SMARCD1: variants seen among roughly 807,000 people sequenced by gnomAD.
SMARCD1 encodes SWI/SNF-related matrix-associated actin-dependent regulator of chromatin subfamily D member 1.
SMARCD1 carries 16 observed loss-of-function variants against 70.8 expected under a neutral mutation model. That is an observed-to-expected ratio of 0.23 (90% CI 0.15 to 0.34). The LOEUF is 0.34. Ranked by LOEUF, SMARCD1 falls within the 10% of genes least tolerant of loss-of-function variation. The pLI is 1.00. For synonymous variants in SMARCD1, 249 were observed against 246.0 expected (o/e 1.01, Z -0.11); for missense variants, 409 against 655.5 (o/e 0.62, Z 4.11).
rs78981422 is a variant in SMARCD1 at position 50,092,141 on chromosome 12, G to A, written c.1133+1551G>A. 4.6e-4 allele frequency among the ~76,000 whole-genome samples: 70 copies of A among 151,614 alleles called. No individual in the cohort carries two copies. The East Asian group carries it at 8.1e-3, about 18-fold the overall frequency. On this transcript the variant is annotated intron_variant, in intron 9 of 12. Transcript: ENST00000394963. ...AAGAAAATTTCCTTCTCAAAGCAGC[G>A]TGTCTCTGTAGTTGGATATAGTCTC...
Position 50,096,953 on chromosome 12 carries a change from C to T in SMARCD1, c.1373C>T (p.Ser458Phe). 1.9e-6 allele frequency: 3 copies of T among 1,613,840 alleles called. No individual in the cohort carries two copies. Among genetic ancestry groups the T allele is most frequent in the Non-Finnish European group, 2.5e-6 (3 of 1,179,806 alleles). ...PQGFINDWLQ[S>F]QCRDLKTMTD... ...GGTTTCATCAATGACTGGCTTCAGT[C>T]CCAGTGCAGGGACCTCAAGGTAAAG... The change falls in exon 11 of 13, where the codon TCC becomes TTC. Residue 458 changes from serine (S) to phenylalanine (F), a missense_variant. By Grantham distance (155) the Ser-to-Phe change is radical. Transcript: ENST00000394963.
chr12:50,096,868 A>G lies in SMARCD1; in HGVS notation c.1288A>G (p.Thr430Ala), dbSNP rs765831618. The G allele has an allele frequency of 8.7e-6, 14 of 1,612,152 alleles. No individual in the cohort carries two copies. Among genetic ancestry groups the G allele is most frequent in the Non-Finnish European group, 1.2e-5 (14 of 1,178,476 alleles). Residue 430 changes from threonine (T) to alanine (A), a missense_variant, in exon 11 of 13, where the codon ACC becomes GCC. Transcript: ENST00000394963. ...CTTTCAGATCCATGAGACAATAGAA[A>G]CCATCAACCAGCTGAAGACTCAGCG... The part of the protein sequence containing the change: ...LDNKIHETIE[T>A]INQLKTQREF...
At chr12:50,090,719 A>C (rs1213816110) in intron 9 of SMARCD1, 129 bp downstream of exon 9, 1 of 581,168 alleles carries the variant, frequency 1.7e-6, no homozygotes, top group Admixed American at 3.3e-5. Flanking sequence ...GTTACTTACA[A>C]TTAAATTACA....
intron 1 of SMARCD1, 198 bp downstream of exon 1, chr12:50,085,744 G>C (rs1950782578): frequency 4.4e-6 from 2 of 450,212 alleles, no homozygotes; most frequent in Admixed American, 4.4e-5. Flanking sequence ...TGTTTCCCTG[G>C]GGAGTCGGTA....
At position 50,085,374 on chromosome 12, in the gene SMARCD1, C is replaced by T. The variant is rs866500998; in HGVS notation, c.5C>T (p.Ala2Val). 4.0e-6 allele frequency: 5 copies of T among 1,263,520 alleles called. No individual in the cohort carries two copies. Among genetic ancestry groups the T allele is most frequent in the Non-Finnish European group, 5.0e-6 (5 of 1,006,670 alleles). The allele number at this position is 1,263,520 out of a possible 1,614,324, so 78.3% of individuals were successfully genotyped here. M[A>V]ARAGFQSVAP... ...TGCATCGGCGGCTCCGGGAAGATGG[C>T]GGCCCGGGCGGGTTTCCAGTCTGTG... Residue 2 changes from alanine (A) to valine (V), a missense_variant, in exon 1 of 13, where the codon GCG (alanine) becomes GTG (valine). Physicochemically the swap from Ala to Val is moderately conservative, Grantham distance 64. This residue lies in a region of SMARCD1 where 140 missense variants were observed against 156.9 expected (regional missense o/e 0.89). Coordinates refer to ENST00000394963, the MANE Select transcript of SMARCD1 (RefSeq NM_003076.5).
chr12:50,095,769 T>G (rs551821285), intron 10 of SMARCD1, among the ~76,000 whole-genome samples: 80 of 152,310 alleles, frequency 5.3e-4, no homozygotes, highest in African/African-American at 1.9e-3. Context: ...GAGCCTGGTG[T>G]CTTAAAGAAG....
At chr12:50,094,982 G>A (rs193080546) in intron 10 of SMARCD1, among the ~76,000 whole-genome samples, 18 of 152,240 alleles carry the variant, frequency 1.2e-4, no homozygotes, top group African/African-American at 4.3e-4. Flanking sequence ...ATTTTTAGTA[G>A]AGACGAGGTT....
At chr12:50,090,453 G>A in intron 8 of SMARCD1, 40 bp from the exon 9 acceptor site, 1 of 1,613,158 alleles carries the variant, frequency 6.2e-7, no homozygotes, top group Non-Finnish European at 8.5e-7. Flanking sequence ...CACTAGTTAT[G>A]CTCAAACTGC....
intron 9 of SMARCD1, among the ~76,000 whole-genome samples, chr12:50,091,032 G>C (rs1950838608): frequency 6.6e-6 from 1 of 151,766 alleles, no homozygotes; most frequent in Non-Finnish European, 1.5e-5. Context: ...CACCATGTTA[G>C]CCAGGATGGT....
chr12:50,090,023 G>C, intron 7 of SMARCD1, 38 bp downstream of exon 7: 1 of 1,512,516 alleles, frequency 6.6e-7, no homozygotes, highest in Non-Finnish European at 9.2e-7. Context: ...AGCTTTCACA[G>C]CCACATACCG....
rs80003173 is a variant in SMARCD1, at chr12:50,086,474, A to T, written c.365+126A>T. 688 of 503,706 alleles carry T rather than the reference A, an allele frequency of 1.4e-3. 5 individuals carry two copies. The East Asian group carries it at 0.029, about 22-fold the overall frequency. 31.2% of individuals were successfully genotyped at this position (503,706 alleles called of 1,614,324 possible). On this transcript the variant is annotated intron_variant, in intron 2 of 12. Transcript: ENST00000394963. ...TGGTGCTACAGAACTCATCCTTGAG[A>T]ATGCTTGGTGGTGGTGGTGGTGGTG... is the stretch of plus-strand genomic sequence containing the variant.
chr12:50,094,167 A>G (rs1008338701), intron 9 of SMARCD1, among the ~76,000 whole-genome samples: 1 of 152,192 alleles, frequency 6.6e-6, no homozygotes, highest in South Asian at 2.1e-4. Context: ...AATTTTTACC[A>G]TTGACTTTTT....
At chr12:50,097,038 T>TAA in intron 11 of SMARCD1, 66 bp downstream of exon 11, 3 of 1,438,754 alleles carry the variant, frequency 2.1e-6, no homozygotes, top group Non-Finnish European at 2.8e-6. Context: ...TTTATTCATG[T>TAA]AGCAGCTGGT....
chr12:50,094,663 C>G, intron 10 of SMARCD1, 91 bp downstream of exon 10: 1 of 1,243,596 alleles, frequency 8.0e-7, no homozygotes, highest in Non-Finnish European at 1.1e-6. Flanking sequence ...ATTCAAAATA[C>G]GGTGACACCC....
At chr12:50,088,155 A>G in intron 5 of SMARCD1, 1 of 672,926 alleles carries the variant, frequency 1.5e-6, no homozygotes, top group Non-Finnish European at 2.7e-6. Flanking sequence ...GTCCAAATAA[A>G]GCTGTTTTTG....
chr12:50,096,249 C>T (rs1376037789), intron 10 of SMARCD1, among the ~76,000 whole-genome samples: 1 of 152,076 alleles, frequency 6.6e-6, no homozygotes, highest in East Asian at 1.9e-4. Context: ...AGGTCTCTAG[C>T]TTGGGTGGAC....
At chr12:50,095,248 G>A (rs939640606) in intron 10 of SMARCD1, among the ~76,000 whole-genome samples, 2 of 152,168 alleles carry the variant, frequency 1.3e-5, no homozygotes, top group African/African-American at 4.8e-5. Flanking sequence ...CGCAGTCCTT[G>A]CAAATAAAGC....
rs753187860 is a variant in SMARCD1, at chr12:50,096,880, C to A, written c.1300C>A (p.Leu434Met). The A allele has an allele frequency of 1.7e-5, 27 of 1,613,458 alleles. No homozygotes were observed. The highest frequency in any genetic ancestry group is 2.1e-5 in the Non-Finnish European group (25 of 1,179,530). The change falls in exon 11 of 13, where the codon CTG becomes ATG. Residue 434 changes from leucine to methionine, a missense_variant. Leu to Met is a conservative substitution (Grantham distance 15, BLOSUM62 2). Around this residue, in one of 2 missense-constraint regions of SMARCD1, gnomAD observed 269 missense variants for 498.6 expected, o/e 0.54. Coordinates refer to ENST00000394963, the MANE Select transcript of SMARCD1 (RefSeq NM_003076.5). ...IHETIETINQ[L>M]KTQREFMLSF... Reference sequence around the variant, plus strand: ...TGAGACAATAGAAACCATCAACCAGCTGAAGACTCAGCGGGAGTTCATGCT... The same window carrying A: ...TGAGACAATAGAAACCATCAACCAGATGAAGACTCAGCGGGAGTTCATGCT...
intron 1 of SMARCD1, 37 bp downstream of exon 1, chr12:50,085,583 G>A: frequency 1.6e-6 from 2 of 1,217,934 alleles, no homozygotes; most frequent in Non-Finnish European, 2.1e-6. Context: ...CGGGCCGGGG[G>A]CGGGGCCGAG....
Sources: gnomAD v4.1 joint callset for allele counts (sites outside exome capture counted in the v4.1 genomes callset) on GRCh38, gnomAD v4.1.1 for gene constraint, gnomAD v4.1.1 regional missense constraint, MANE v1.5 for transcripts, NCBI Gene and HGNC (gene_info 2026-07-23, HGNC 2026-07-21) for gene names.